Variants in TBC1D23 observed in about 807,000 individuals in gnomAD.
TBC1D23 encodes HCV non-structural protein 4A-transactivated protein 1.
TBC1D23 carries 55 observed loss-of-function variants against 91.4 expected under a neutral mutation model. The ratio of observed to expected loss-of-function variants is 0.60; its 90% CI spans 0.48 to 0.75. The LOEUF (loss-of-function observed/expected upper bound fraction) is 0.75, where lower values mean the gene tolerates loss of function less well. Ranked by LOEUF, TBC1D23 falls within the 30% of genes least tolerant of loss-of-function variation. The probability of loss-of-function intolerance (pLI) is 0.00; values close to 1 mark genes in which losing one functional copy is unlikely to be tolerated. For synonymous variants in TBC1D23, 289 were observed against 281.0 expected (o/e 1.03, Z -0.28); for missense variants, 725 against 836.1 (o/e 0.87, Z 1.64).
chr3:100,317,109 G>A (rs568639164), intron 16 of TBC1D23, among the ~76,000 whole-genome samples: 1 of 151,714 alleles, frequency 6.6e-6, no homozygotes, highest in Admixed American at 6.6e-5. Flanking sequence ...TTTAGTCTTT[G>A]GTTTATAATT....
At chr3:100,277,821 A>G (rs1042951590) in intron 1 of TBC1D23, among the ~76,000 whole-genome samples, 5 of 152,146 alleles carry the variant, frequency 3.3e-5, no homozygotes, top group Non-Finnish European at 5.9e-5. Context: ...GAAGAGATAA[A>G]CCCCAGTTTT....
chr3:100,269,336 C>A (rs567500667), intron 1 of TBC1D23, among the ~76,000 whole-genome samples: 7 of 152,312 alleles, frequency 4.6e-5, no homozygotes, highest in Admixed American at 4.6e-4. Flanking sequence ...CAAAATTTTA[C>A]AAATTGTTTA....
chr3:100,299,256 T>C lies in TBC1D23; in HGVS notation c.1017T>C (p.Phe339=), dbSNP rs373551758. 8.7e-6 allele frequency: 14 copies of C among 1,612,290 alleles called. No homozygotes were observed. In the Admixed American group the frequency reaches 1.0e-4, roughly 12 times the overall value. The change falls in exon 10 of 19, where the codon TTT becomes TTC. Residue 339 remains phenylalanine, a synonymous_variant. Coordinates refer to ENST00000394144, the MANE Select transcript of TBC1D23 (RefSeq NM_001199198.3). ...CGTTTTAGGAAGGAGTCCGGTTCTT[T>C]GTGGTGGATTGCCGTCCTGCAGAAC... ...NQLQGEGVRF[F]VVDCRPAEQY...
intron 14 of TBC1D23, among the ~76,000 whole-genome samples, chr3:100,310,945 T>C (rs142231665): frequency 1.3e-3 from 205 of 152,338 alleles, no homozygotes; most frequent in Non-Finnish European, 2.4e-3. Context: ...ATGCTAAATA[T>C]AGCAGAAACC....
chr3:100,319,310 A>G (rs1249228622), intron 17 of TBC1D23, 106 bp downstream of exon 17: 4 of 918,708 alleles, frequency 4.4e-6, no homozygotes, highest in Admixed American at 5.1e-5. Context: ...ACAATAAGAT[A>G]TAATTCCCTT....
chr3:100,290,193 T>G (rs1246171218), intron 4 of TBC1D23, among the ~76,000 whole-genome samples: 2 of 152,228 alleles, frequency 1.3e-5, no homozygotes, highest in Non-Finnish European at 2.9e-5. Flanking sequence ...TGATTGAGTA[T>G]ATAAACTGTG....
chr3:100,311,122 C>G (rs1000497723), intron 14 of TBC1D23, among the ~76,000 whole-genome samples: 1 of 152,214 alleles, frequency 6.6e-6, no homozygotes, highest in East Asian at 1.9e-4. Context: ...TTTTTCTCCA[C>G]GTATAAGTCT....
intron 4 of TBC1D23, among the ~76,000 whole-genome samples, chr3:100,285,758 TAGTG>T (rs2067735964): frequency 6.6e-6 from 1 of 152,236 alleles, no homozygotes; most frequent in South Asian, 2.1e-4. Flanking sequence ...TAGCCCATCC[TAGTG>T]AGTGTGAAAT....
chr3:100,314,820 T>A (rs1486330419), intron 15 of TBC1D23, among the ~76,000 whole-genome samples: 1 of 152,128 alleles, frequency 6.6e-6, no homozygotes, highest in Non-Finnish European at 1.5e-5. Context: ...GCATGTAACT[T>A]GATTTTTTCT....
At chr3:100,279,881 A>G in intron 2 of TBC1D23, 121 bp downstream of exon 2, 1 of 573,590 alleles carries the variant, frequency 1.7e-6, no homozygotes, top group Middle Eastern at 4.3e-4. Context: ...CCGCATCTAG[A>G]TTTATCAAAC....
chr3:100,317,978 TTAAG>T lies in TBC1D23; in HGVS notation c.1688-1088_1688-1085del, dbSNP rs574177769. 4.0e-3 allele frequency among the ~76,000 whole-genome samples: 609 copies of T among 152,152 alleles called. 5 individuals carry two copies. Among genetic ancestry groups the T allele is most frequent in the African/African-American group, 0.014 (562 of 41,510 alleles). ...AGTGTATATATACATTTATATACAT[TTAAG>T]TATAGAATACTACTGTATATTATTT... On this transcript the variant is annotated intron_variant, in intron 16 of 18. Coordinates refer to ENST00000394144, the MANE Select transcript of TBC1D23 (RefSeq NM_001199198.3).
intron 15 of TBC1D23, among the ~76,000 whole-genome samples, chr3:100,312,327 T>C (rs1444453295): frequency 6.6e-6 from 1 of 152,206 alleles, no homozygotes; most frequent in Non-Finnish European, 1.5e-5. Flanking sequence ...CATTATGTAA[T>C]TTTATATTTT....
At chr3:100,291,615 G>GT (rs1306089639) in intron 5 of TBC1D23, among the ~76,000 whole-genome samples, 1 of 150,766 alleles carries the variant, frequency 6.6e-6, no homozygotes, top group Non-Finnish European at 1.5e-5. Context: ...AATTTTAAAT[G>GT]TTTATTAATT....
intron 13 of TBC1D23, among the ~76,000 whole-genome samples, chr3:100,307,555 A>C (rs1226788373): frequency 6.6e-6 from 1 of 152,254 alleles, no homozygotes; most frequent in East Asian, 1.9e-4. Context: ...ACGAAATTGT[A>C]ACTCACTACC....
chr3:100,320,442 G>C (rs1268493905), intron 17 of TBC1D23, among the ~76,000 whole-genome samples: 1 of 152,012 alleles, frequency 6.6e-6, no homozygotes, highest in African/African-American at 2.4e-5. Flanking sequence ...TATGAATATA[G>C]GTAATAGCGT....
At chr3:100,311,152 T>C (rs1025211483) in intron 14 of TBC1D23, among the ~76,000 whole-genome samples, 5 of 152,222 alleles carry the variant, frequency 3.3e-5, no homozygotes, top group African/African-American at 9.6e-5. Context: ...TTCTTGTTCC[T>C]AGAGTTCAAA....
intron 10 of TBC1D23, among the ~76,000 whole-genome samples, chr3:100,301,272 C>A (rs1385390534): frequency 0.013 from 1,489 of 112,448 alleles, no homozygotes; most frequent in Non-Finnish European, 0.014. Flanking sequence ...GATTCCGTCT[C>A]AAAAAAAAAA....
At chr3:100,310,603 T>C (rs1029417746) in intron 14 of TBC1D23, 61 bp downstream of exon 14, 6 of 1,300,408 alleles carry the variant, frequency 4.6e-6, no homozygotes, top group Middle Eastern at 2.0e-4. Flanking sequence ...AACAATGTCT[T>C]AGAGTAAGTA....
At chr3:100,271,856 G>A (rs1037369711) in intron 1 of TBC1D23, among the ~76,000 whole-genome samples, 6 of 152,192 alleles carry the variant, frequency 3.9e-5, no homozygotes, top group Admixed American at 2.0e-4. Context: ...CCTAATGTTG[G>A]GAATTTGCAG....
Sources: allele counts gnomAD v4.1 joint callset (sites outside exome capture counted in the v4.1 genomes callset), GRCh38; gene constraint gnomAD v4.1.1; transcripts MANE v1.5; gene names NCBI Gene and HGNC (gene_info 2026-07-23, HGNC 2026-07-21).